Variants in USP39 observed in about 807,000 individuals in gnomAD.
The protein encoded by USP39 is ubiquitin carboxyl-terminal hydrolase 39.
In USP39, 38 loss-of-function variants were observed where a neutral mutation model predicts 66.4. The ratio of observed to expected loss-of-function variants is 0.57; its 90% confidence interval spans 0.44 to 0.75. USP39 has a LOEUF of 0.75. USP39 is among the 30% of genes least tolerant of loss of function. The pLI, the probability that USP39 is intolerant of heterozygous loss-of-function variation, is 0.00. For synonymous variants in USP39, 303 were observed against 274.6 expected (o/e 1.10, Z -1.02); for missense variants, 608 against 714.4 (o/e 0.85, Z 1.70).
chr2:85,632,283 T>G (rs1018308133), intron 6 of USP39, among the ~76,000 whole-genome samples: 3 of 152,086 alleles, frequency 2.0e-5, no homozygotes, highest in African/African-American at 7.2e-5. Context: ...AGGTTGAGTG[T>G]GCTGGCAGAA....
chr2:85,608,932 G>A (rs759068950), upstream of USP39: 16 of 1,613,734 alleles, frequency 9.9e-6, no homozygotes, highest in South Asian at 2.2e-5. Context: ...TGGAGAGAAC[G>A]CCTTCAACAT....
intron 10 of USP39, among the ~76,000 whole-genome samples, chr2:85,644,167 A>T (rs1676472376): frequency 1.3e-5 from 2 of 152,188 alleles, no homozygotes; most frequent in African/African-American, 4.8e-5. Flanking sequence ...TCAAAGGGAG[A>T]TATATAACTG....
intron 10 of USP39, 41 bp downstream of exon 10, chr2:85,641,159 C>G (rs149602595): frequency 2.2e-5 from 35 of 1,605,066 alleles, no homozygotes; most frequent in Non-Finnish European, 1.6e-5. Flanking sequence ...GGGGAGTGAA[C>G]CTGGATTTCT....
intron 3 of USP39, among the ~76,000 whole-genome samples, chr2:85,623,400 G>A (rs1328718301): frequency 6.6e-6 from 1 of 150,624 alleles, no homozygotes; most frequent in Non-Finnish European, 1.5e-5. Flanking sequence ...TTAAAAAATA[G>A]TGAAATTTGT....
intron 9 of USP39, among the ~76,000 whole-genome samples, chr2:85,640,244 G>A (rs1676120498): frequency 6.6e-6 from 1 of 151,948 alleles, no homozygotes; most frequent in South Asian, 2.1e-4. Context: ...TATAGAGAAA[G>A]GAAGGTCATT....
At chr2:85,638,064 C>G (rs1675923968) in intron 8 of USP39, among the ~76,000 whole-genome samples, 1 of 148,674 alleles carries the variant, frequency 6.7e-6, no homozygotes, top group South Asian at 2.1e-4. Flanking sequence ...TCTTGTTGAC[C>G]AGTCTGGAGT....
intron 3 of USP39, among the ~76,000 whole-genome samples, chr2:85,622,676 T>C (rs561529991): frequency 1.3e-5 from 2 of 152,004 alleles, no homozygotes; most frequent in Non-Finnish European, 2.9e-5. Context: ...ATTCCATTTT[T>C]TTCTGAAAAT....
intron 6 of USP39, among the ~76,000 whole-genome samples, chr2:85,632,860 A>G (rs1026059759): frequency 6.6e-6 from 1 of 152,162 alleles, no homozygotes; most frequent in Admixed American, 6.6e-5. Context: ...ATCAGAGATC[A>G]GAGTGGAGGA....
At chr2:85,612,139 G>A, upstream of USP39, 2 of 877,532 alleles carry the variant, frequency 2.3e-6, no homozygotes, top group East Asian at 5.5e-5. Flanking sequence ...GCAGCGCACG[G>A]AGTTTTCGGG....
intron 9 of USP39, 50 bp from the exon 10 acceptor site, chr2:85,640,926 A>G (rs902446456): frequency 1.9e-6 from 3 of 1,545,866 alleles, no homozygotes; most frequent in Non-Finnish European, 2.6e-6. Flanking sequence ...CCCTGCTCTA[A>G]TACTACTGAA....
chr2:85,609,691 C>CT (rs1164894749), upstream of USP39: 183 of 1,430,880 alleles, frequency 1.3e-4, no homozygotes, highest in East Asian at 3.7e-4. Flanking sequence ...CCCCAGTCTT[C>CT]TTTTTTTTGA....
intron 1 of USP39, among the ~76,000 whole-genome samples, chr2:85,618,921 C>G (rs893989640): frequency 2.0e-5 from 3 of 152,114 alleles, no homozygotes; most frequent in South Asian, 2.1e-4. Context: ...AGGCACCCAC[C>G]ACCATGCCTG....
At chr2:85,612,455 A>G (rs1203469203), upstream of USP39, 1 of 1,235,114 alleles carries the variant, frequency 8.1e-7, no homozygotes, top group Non-Finnish European at 1.1e-6. Flanking sequence ...AAATGGGAAC[A>G]CCTAGAGCAC....
At chr2:85,616,487 G>C (rs761461529) in intron 1 of USP39, 24 bp downstream of exon 1, 10 of 1,437,118 alleles carry the variant, frequency 7.0e-6, no homozygotes, top group Non-Finnish European at 9.2e-6. Context: ...GGCCGGGCTA[G>C]GCGCGAGAGC....
At chr2:85,621,237 T>C in intron 2 of USP39, 1 of 365,778 alleles carries the variant, frequency 2.7e-6, no homozygotes, top group South Asian at 5.0e-5. Flanking sequence ...AGTCCTGAAC[T>C]GGTTACAAAC....
chr2:85,640,924 TA>T (rs1172254546), intron 9 of USP39, 51 bp from the exon 10 acceptor site: 4 of 1,539,488 alleles, frequency 2.6e-6, no homozygotes, highest in Non-Finnish European at 3.5e-6. Flanking sequence ...GCCCCTGCTC[TA>T]ATACTACTGA....
chr2:85,628,380 C>T (rs1005024421), intron 5 of USP39, among the ~76,000 whole-genome samples: 14 of 152,186 alleles, frequency 9.2e-5, no homozygotes, highest in South Asian at 4.2e-4. Flanking sequence ...CTCCTGACTT[C>T]GTGATCTGCT....
chr2:85,639,455 T>TA (rs1676063806), intron 9 of USP39, 64 bp downstream of exon 9: 1 of 257,364 alleles, frequency 3.9e-6, no homozygotes, highest in African/African-American at 3.3e-5. Flanking sequence ...TTTCATTTTC[T>TA]TTTTTTTTTT....
intron 10 of USP39, 43 bp from the exon 11 acceptor site, chr2:85,644,905 A>G (rs756778509): frequency 2.4e-5 from 39 of 1,610,278 alleles, no homozygotes; most frequent in Non-Finnish European, 3.1e-5. Flanking sequence ...TTAACCTCAC[A>G]GCCTTTGTCT....
Sources: allele counts gnomAD v4.1 joint callset (sites outside exome capture counted in the v4.1 genomes callset), GRCh38; gene constraint gnomAD v4.1.1; transcripts MANE v1.5; gene names NCBI Gene and HGNC (gene_info 2026-07-23, HGNC 2026-07-21).